Variants in VAV1 observed in about 807,000 individuals in gnomAD.
VAV1 encodes the protein vav guanine nucleotide exchange factor 1.
VAV1 carries 33 observed loss-of-function variants against 128.1 expected under a neutral mutation model. The observed-to-expected ratio is 0.26, with a 90% CI of 0.20 to 0.34. The LOEUF is 0.34. Among genes scored for constraint, VAV1 ranks in the 10% least tolerant of loss-of-function variants. The pLI, the probability that VAV1 is intolerant of heterozygous loss-of-function variation, is 1.00. For missense variants in VAV1, 715 were observed against 1,093.7 expected (o/e 0.65, Z 4.88); for synonymous variants, 394 against 409.8 (o/e 0.96, Z 0.47).
chr19:6,783,197 A>G (rs1970804184), intron 1 of VAV1, among the ~76,000 whole-genome samples: 1 of 152,140 alleles, frequency 6.6e-6, no homozygotes, highest in Non-Finnish European at 1.5e-5. Flanking sequence ...CAAAAACAAA[A>G]ACAAACAAAA....
intron 1 of VAV1, among the ~76,000 whole-genome samples, chr19:6,796,248 T>C (rs1207467288): frequency 6.6e-6 from 1 of 152,202 alleles, no homozygotes; most frequent in African/African-American, 2.4e-5. Flanking sequence ...ATTGAGTGTG[T>C]ACTCGAGAGA....
chr19:6,822,198 A>G lies in VAV1; in HGVS notation c.450-23A>G. 1 of 1,559,450 alleles carries G rather than the reference A, an allele frequency of 6.4e-7. No individual in the cohort carries two copies. Among genetic ancestry groups the G allele is most frequent in the South Asian group, 1.2e-5 (1 of 84,794 alleles). On this transcript the variant is annotated intron_variant, in intron 4 of 26. Transcript: ENST00000602142. This position sits in a 1 kb window ranked among gnomAD's most constrained non-coding sequence, Gnocchi z 5.9. ...CTGTGATCTGGGAGAGGTCCAAGGG[A>G]TCCCTGACCTCACAACCCACAGCGA...
intron 1 of VAV1, among the ~76,000 whole-genome samples, chr19:6,792,127 A>G (rs1452727765): frequency 2.0e-5 from 3 of 152,124 alleles, no homozygotes; most frequent in Non-Finnish European, 1.5e-5. Context: ...TGAGGCAGGA[A>G]GATCACTTGA....
intron 1 of VAV1, among the ~76,000 whole-genome samples, chr19:6,795,462 T>G (rs924387185): frequency 6.6e-6 from 1 of 150,540 alleles, no homozygotes; most frequent in Non-Finnish European, 1.5e-5. Context: ...ACCCAGGGCG[T>G]AGTTCTTTTA....
chr19:6,806,141 C>G (rs1971391586), intron 1 of VAV1, among the ~76,000 whole-genome samples: 1 of 152,202 alleles, frequency 6.6e-6, no homozygotes, highest in African/African-American at 2.4e-5. Context: ...GCCTGGAGTA[C>G]AGTGGCACGA....
Position 6,832,570 on chromosome 19 carries a change from C to CCTT in VAV1, c.1508+372_1508+374dup, listed in dbSNP as rs1251948875. Among the ~76,000 whole-genome samples the CCTT allele has an allele frequency of 9.7e-5, 12 of 123,848 alleles. 1 individual carries two copies. Among genetic ancestry groups the CCTT allele is most frequent in the East Asian group, 3.5e-4 (1 of 2,872 alleles). 81.2% of individuals were successfully genotyped at this position (123,848 alleles called of 152,430 possible). A position where few individuals can be genotyped will look rare whatever the true frequency, so the allele number is the denominator to read the frequency against. On this transcript the variant is annotated intron_variant, in intron 15 of 26. Coordinates refer to ENST00000602142, the MANE Select transcript of VAV1 (RefSeq NM_005428.4). ...TTCTTCCTCCTCCTCTCCTTCCTCC[C>CCTT]CTTCCTCCTCCTCGCCCTCCTCTTC...
intron 1 of VAV1, among the ~76,000 whole-genome samples, chr19:6,811,983 A>G (rs959897463): frequency 6.6e-6 from 1 of 152,104 alleles, no homozygotes; most frequent in Non-Finnish European, 1.5e-5. Context: ...AAATAGGGAG[A>G]GAGGAGGTAT....
intron 21 of VAV1, 64 bp downstream of exon 21, chr19:6,837,114 A>G: frequency 6.4e-7 from 1 of 1,556,940 alleles, no homozygotes; most frequent in Non-Finnish European, 8.9e-7. Context: ...GGGAGGATGG[A>G]CAGACTTGGA....
chr19:6,773,001 A>C lies in VAV1; in HGVS notation c.194A>C (p.Gln65Pro). The stretch of plus-strand genomic sequence containing the variant: ...CTGCGTGAGGTCAACCTGCGCCCCC[A>C]GATGTCCCAGGTGAGCCCTCCGCGG... ...INLREVNLRP[Q>P]MSQFLCLKNI... The change falls in exon 1 of 27, where the codon CAG becomes CCG. Residue 65 changes from glutamine to proline, a missense_variant. Gln to Pro is a moderately conservative substitution (Grantham distance 76). Around this residue, in one of 3 missense-constraint regions of VAV1, gnomAD observed 302 missense variants for 477.8 expected, o/e 0.63. Coordinates refer to ENST00000602142, the MANE Select transcript of VAV1 (RefSeq NM_005428.4). 2 of 1,613,954 alleles carry C rather than the reference A, an allele frequency of 1.2e-6. No homozygotes were observed. Among genetic ancestry groups the C allele is most frequent in the Non-Finnish European group, 1.7e-6 (2 of 1,179,912 alleles).
intron 25 of VAV1, 134 bp from the exon 26 acceptor site, chr19:6,853,813 G>A (rs562375740): frequency 1.8e-6 from 2 of 1,084,538 alleles, no homozygotes; most frequent in African/African-American, 3.1e-5. Context: ...ACAGTACAGG[G>A]CATCTAATAC....
At chr19:6,776,283 C>CCCA (rs1271996146) in intron 1 of VAV1, among the ~76,000 whole-genome samples, 9 of 91,602 alleles carry the variant, frequency 9.8e-5, no homozygotes, top group East Asian at 3.7e-4. Context: ...CATCTATCCA[C>CCCA]TCATCCATCC....
At chr19:6,815,985 C>T (rs916719368) in intron 1 of VAV1, among the ~76,000 whole-genome samples, 5 of 151,068 alleles carry the variant, frequency 3.3e-5, no homozygotes, top group African/African-American at 4.9e-5. Context: ...GGACCAGCCT[C>T]GGCAACATAA....
intron 1 of VAV1, among the ~76,000 whole-genome samples, chr19:6,774,623 CAG>C (rs1226681687): frequency 2.7e-5 from 4 of 150,818 alleles, no homozygotes; most frequent in African/African-American, 9.8e-5. Flanking sequence ...TTAGTAGAGA[CAG>C]GGTTTCACTA....
chr19:6,797,651 C>T (rs759340736), intron 1 of VAV1, among the ~76,000 whole-genome samples: 9 of 150,764 alleles, frequency 6.0e-5, no homozygotes, highest in Middle Eastern at 6.9e-3. Context: ...TGTTGTGAGC[C>T]GAGATCGTGC....
At chr19:6,824,253 G>A (rs889634009) in intron 6 of VAV1, among the ~76,000 whole-genome samples, 37 of 152,002 alleles carry the variant, frequency 2.4e-4, no homozygotes, top group African/African-American at 8.7e-4. Context: ...ATTTTAGAAC[G>A]TTTTCATCAT....
At chr19:6,846,192 ATAAT>A (rs1487303815) in intron 22 of VAV1, among the ~76,000 whole-genome samples, 4 of 151,014 alleles carry the variant, frequency 2.6e-5, no homozygotes, top group South Asian at 2.1e-4. Flanking sequence ...TGTATTACAC[ATAAT>A]TAATATTCTT....
intron 14 of VAV1, among the ~76,000 whole-genome samples, chr19:6,831,329 T>C (rs1972048817): frequency 6.6e-6 from 1 of 152,128 alleles, no homozygotes; most frequent in South Asian, 2.1e-4. Context: ...ATTTCTTTTT[T>C]TGAGACGGAG....
chr19:6,814,371 C>T (rs756663372), intron 1 of VAV1, among the ~76,000 whole-genome samples: 1 of 152,152 alleles, frequency 6.6e-6, no homozygotes, highest in Non-Finnish European at 1.5e-5. Context: ...TTCCCTCTTG[C>T]TCCGGAAGCA....
At chr19:6,783,601 G>A (rs1970816693) in intron 1 of VAV1, among the ~76,000 whole-genome samples, 1 of 150,686 alleles carries the variant, frequency 6.6e-6, no homozygotes, top group Non-Finnish European at 1.5e-5. Flanking sequence ...TCCTGCCTCA[G>A]CCTCCCAAGT....
Sources: gnomAD v4.1 joint callset for allele counts (sites outside exome capture counted in the v4.1 genomes callset) on GRCh38, gnomAD v4.1.1 for gene constraint, gnomAD v4.1.1 regional missense constraint, Gnocchi (gnomAD v3.1) non-coding constraint, MANE v1.5 for transcripts, NCBI Gene and HGNC (gene_info 2026-07-23, HGNC 2026-07-21) for gene names.